The following RDH16 variants were observed in gnomAD, a reference collection of about 807,000 sequenced individuals.
The protein encoded by RDH16 is human epidermal retinol dehydrogenase.
In RDH16, 25 loss-of-function variants were observed where a neutral mutation model predicts 22.3. The observed-to-expected ratio is 1.12, with a 90% CI of 0.82 to 1.56. RDH16 has a LOEUF of 1.56. Among genes scored for constraint, RDH16 ranks in the 40% most tolerant of loss-of-function variants. The pLI, the probability that RDH16 is intolerant of heterozygous loss-of-function variation, is 0.00. For missense variants in RDH16, 413 were observed against 394.9 expected (o/e 1.05, Z -0.39); for synonymous variants, 154 against 164.4 (o/e 0.94, Z 0.48).
In RDH16 at chr12:56,957,441, A is replaced by G. The variant is rs1312890793; in HGVS notation, c.22T>C (p.Phe8Leu). Reference protein sequence around the residue: MWLYLAVFVGLYYLLHWY... With the variant: MWLYLAVLVGLYYLLHWY... Reference sequence around the variant, plus strand: ...TGCAGAAGGTAGTACAGGCCCACGAAAACCGCCAGGTAGAGCCACATGGCT... The same window carrying G: ...TGCAGAAGGTAGTACAGGCCCACGAGAACCGCCAGGTAGAGCCACATGGCT... Residue 8 changes from phenylalanine to leucine, a missense_variant, in exon 1 of 4, where the codon TTC becomes CTC. Phe to Leu is a conservative substitution (Grantham distance 22, BLOSUM62 0). Transcript: ENST00000398138. 2 of 1,612,596 alleles carry G rather than the reference A, an allele frequency of 1.2e-6. No homozygotes were observed. The highest frequency in any genetic ancestry group is 2.2e-5 in the East Asian group (1 of 44,850).
rs1265565150 is a variant in RDH16, at chr12:56,954,860, G to T, written c.572+46C>A. 4 of 1,604,086 alleles carry T rather than the reference G, an allele frequency of 2.5e-6. No homozygotes were observed. The African/African-American group carries it at 4.0e-5, about 16-fold the overall frequency. Reference sequence around the variant, plus strand: ...CTCCCTGGAAAAGACTTCCCCACAAGGACAGGAGCAGGAAGACTAGGGTGG... The same window carrying T: ...CTCCCTGGAAAAGACTTCCCCACAATGACAGGAGCAGGAAGACTAGGGTGG... On this transcript the variant is annotated intron_variant, in intron 2 of 3. Coordinates refer to ENST00000398138, the MANE Select transcript of RDH16 (RefSeq NM_003708.5).
At chr12:56,956,378 G>A (rs890643806) in intron 1 of RDH16, among the ~76,000 whole-genome samples, 21 of 152,166 alleles carry the variant, frequency 1.4e-4, no homozygotes, top group African/African-American at 5.1e-4. Flanking sequence ...ATCTTCTCCA[G>A]AGAATTTAAG....
intron 3 of RDH16, 42 bp downstream of exon 3, chr12:56,952,785 A>T: frequency 1.3e-6 from 2 of 1,587,836 alleles, no homozygotes; most frequent in Non-Finnish European, 1.7e-6. Context: ...AGGATTCCAC[A>T]CGAGGGTTTG....
chr12:56,953,724 C>G (rs1477980160), intron 2 of RDH16, among the ~76,000 whole-genome samples: 2 of 152,310 alleles, frequency 1.3e-5, no homozygotes, highest in Non-Finnish European at 2.9e-5. Context: ...CCCAGTCTTC[C>G]TTACCAGGCT....
chr12:56,953,137 G>T, intron 2 of RDH16, 147 bp from the exon 3 acceptor site: 1 of 760,702 alleles, frequency 1.3e-6, no homozygotes, highest in South Asian at 2.0e-5. Context: ...GCAATCAAGG[G>T]GTCATAATTA....
intron 1 of RDH16, among the ~76,000 whole-genome samples, chr12:56,956,914 G>A (rs1955933495): frequency 1.3e-5 from 2 of 152,098 alleles, no homozygotes; most frequent in Non-Finnish European, 2.9e-5. Context: ...AGGAATTCTG[G>A]AGAGAAAATC....
intron 1 of RDH16, 32 bp from the exon 2 acceptor site, chr12:56,955,196 T>C (rs749441282): frequency 7.4e-6 from 12 of 1,612,480 alleles, no homozygotes; most frequent in Non-Finnish European, 9.3e-6. Context: ...AGAGCATCAC[T>C]GTGTTGTGCC....
In RDH16 at chr12:56,957,198, T is replaced by C. The variant is rs1471877461; in HGVS notation, c.265A>G (p.Ser89Gly). 1 of 1,613,948 alleles carries C rather than the reference T, an allele frequency of 6.2e-7. No individual in the cohort carries two copies. Among genetic ancestry groups the C allele is most frequent in the South Asian group, 1.1e-5 (1 of 91,056 alleles). The change falls in exon 1 of 4, where the codon AGC becomes GGC. Residue 89 changes from serine (S) to glycine (G), a missense_variant. Ser to Gly is a moderately conservative substitution (Grantham distance 56). Coordinates refer to ENST00000398138, the MANE Select transcript of RDH16 (RefSeq NM_003708.5). Reference protein sequence around the residue: ...TVTLDVTKTESVAAAAQWVKE... With the variant: ...TVTLDVTKTEGVAAAAQWVKE... ...ACCCACTGGGCGGCTGCAGCAACGC[T>C]CTCTGTCTTGGTAACATCCAGGGTC...
chr12:56,954,931 C>A lies in RDH16; in HGVS notation c.547G>T (p.Val183Leu). 3 of 1,614,198 alleles carry A rather than the reference C, an allele frequency of 1.9e-6. No individual in the cohort carries two copies. The highest frequency in any genetic ancestry group is 2.5e-6 in the Non-Finnish European group (3 of 1,180,040). The change falls in exon 2 of 4, where the codon GTG becomes TTG. Residue 183 changes from valine to leucine, a missense_variant. Physicochemically the swap from Val to Leu is conservative, Grantham distance 32. Coordinates refer to ENST00000398138, the MANE Select transcript of RDH16 (RefSeq NM_003708.5). ...GGGYCISKYG[V>L]EAFSDSLRRE... ...CTGAGGGAGTCAGAGAAGGCTTCCACGCCATACTTGGAGATGCAGTAGCCT... is the reference window on the plus strand; with the variant it reads ...CTGAGGGAGTCAGAGAAGGCTTCCAAGCCATACTTGGAGATGCAGTAGCCT...
At chr12:56,954,726 G>A (rs1420669608) in intron 2 of RDH16, among the ~76,000 whole-genome samples, 180 bp downstream of exon 2, 1 of 152,210 alleles carries the variant, frequency 6.6e-6, no homozygotes, top group Non-Finnish European at 1.5e-5. Context: ...TCAGGAAGGT[G>A]CTTCCCAGTG....
chr12:56,953,951 T>G (rs1955904728), intron 2 of RDH16, among the ~76,000 whole-genome samples: 1 of 152,224 alleles, frequency 6.6e-6, no homozygotes, highest in Admixed American at 6.5e-5. Flanking sequence ...GATGGATTTT[T>G]GGCCACTTGG....
In RDH16 at chr12:56,952,349, C is replaced by T. The variant is rs189168296; in HGVS notation, c.737-103G>A. 17 of 1,062,312 alleles carry T rather than the reference C, an allele frequency of 1.6e-5. No homozygotes were observed. In the Admixed American group the frequency reaches 3.6e-4, roughly 23 times the overall value. The allele number at this position is 1,062,312 out of a possible 1,614,324, so 65.8% of individuals were successfully genotyped here. ...GGGTCTAAGAACTCATGCCACCCCACAACCCCCAGTCAAGCAATGCCTCAA... is the reference window on the plus strand; with the variant it reads ...GGGTCTAAGAACTCATGCCACCCCATAACCCCCAGTCAAGCAATGCCTCAA... On this transcript the variant is annotated intron_variant, in intron 3 of 3. Coordinates refer to ENST00000398138, the MANE Select transcript of RDH16 (RefSeq NM_003708.5).
intron 3 of RDH16, among the ~76,000 whole-genome samples, chr12:56,952,587 G>A (rs1297207227): frequency 6.6e-6 from 1 of 152,156 alleles, no homozygotes; most frequent in Non-Finnish European, 1.5e-5. Context: ...GCTTCCCTTT[G>A]TTCCTCAGTA....
rs762011844 is a variant in RDH16 at position 56,954,905 on chromosome 12, C to G, written c.572+1G>C. 2 of 1,613,998 alleles carry G rather than the reference C, an allele frequency of 1.2e-6. No homozygotes were observed. The highest frequency in any genetic ancestry group is 1.7e-6 in the Non-Finnish European group (2 of 1,180,010). ...GGGTGGGCCCCATCCCAGACCCATA[C>G]CTGAGGGAGTCAGAGAAGGCTTCCA... On this transcript the variant is annotated splice_donor_variant, in intron 2 of 3. Coordinates refer to ENST00000398138, the MANE Select transcript of RDH16 (RefSeq NM_003708.5). LOFTEE classifies it high-confidence loss of function.
At chr12:56,956,814 G>C (rs1398978562) in intron 1 of RDH16, among the ~76,000 whole-genome samples, 1 of 152,074 alleles carries the variant, frequency 6.6e-6, no homozygotes, top group Non-Finnish European at 1.5e-5. Context: ...CCTTCTCAAC[G>C]ATGCTCCAGC....
At chr12:56,957,100 C>G in intron 1 of RDH16, 50 bp downstream of exon 1, 1 of 1,551,634 alleles carries the variant, frequency 6.4e-7, no homozygotes, top group Non-Finnish European at 8.8e-7. Flanking sequence ...GAGGTGGTCC[C>G]TTCACACAGA....
intron 3 of RDH16, 127 bp downstream of exon 3, chr12:56,952,700 A>G: frequency 8.4e-7 from 1 of 1,193,362 alleles, no homozygotes; most frequent in South Asian, 1.6e-5. Context: ...AATGGGGCTA[A>G]AGGTCTCCAC....
intron 1 of RDH16, 33 bp downstream of exon 1, chr12:56,957,117 A>T: frequency 6.3e-7 from 1 of 1,576,396 alleles, no homozygotes; most frequent in Non-Finnish European, 8.6e-7. Context: ...CAGAGGGAAG[A>T]CACAGACAGA....
intron 2 of RDH16, 51 bp downstream of exon 2, chr12:56,954,855 C>T (rs1955912168): frequency 6.3e-7 from 1 of 1,599,562 alleles, no homozygotes; most frequent in Non-Finnish European, 8.5e-7. Flanking sequence ...AAGACTTCCC[C>T]ACAAGGACAG....
Sources: gnomAD v4.1 joint callset for allele counts (sites outside exome capture counted in the v4.1 genomes callset) on GRCh38, gnomAD v4.1.1 for gene constraint, MANE v1.5 for transcripts, NCBI Gene and HGNC (gene_info 2026-07-23, HGNC 2026-07-21) for gene names.